Variants in NUDT3 observed in about 807,000 individuals in gnomAD.
NUDT3 encodes nudix hydrolase 3.
In NUDT3, 9 loss-of-function variants were observed where a neutral mutation model predicts 23.6. The ratio of observed to expected loss-of-function variants is 0.38; its 90% CI spans 0.23 to 0.66. The LOEUF (loss-of-function observed/expected upper bound fraction) is 0.66. Ranked by LOEUF, NUDT3 falls within the 30% of genes least tolerant of loss-of-function variation. The pLI, the probability that NUDT3 is intolerant of heterozygous loss-of-function variation, is 0.52. For missense variants in NUDT3, 172 were observed against 218.5 expected, an observed-to-expected ratio of 0.79 and a Z score of 1.34; for synonymous variants, 86 against 82.6, an observed-to-expected ratio of 1.04 and a Z score of -0.22.
At chr6:34,322,362 C>G (rs1763956895) in intron 2 of NUDT3, among the ~76,000 whole-genome samples, 1 of 152,110 alleles carries the variant, frequency 6.6e-6, no homozygotes, top group African/African-American at 2.4e-5. Context: ...TCCCGAGTAG[C>G]TGGGCTATAG....
intron 1 of NUDT3, among the ~76,000 whole-genome samples, chr6:34,390,949 C>A (rs927505109): frequency 6.6e-6 from 1 of 152,176 alleles, no homozygotes; most frequent in Admixed American, 6.6e-5. Context: ...TTAGCTATTA[C>A]AATGCATCTG....
chr6:34,299,442 T>C (rs1443389472), intron 2 of NUDT3, among the ~76,000 whole-genome samples: 10 of 152,188 alleles, frequency 6.6e-5, no homozygotes, highest in Non-Finnish European at 1.2e-4. Flanking sequence ...CTTTTTCTTT[T>C]TTTTAAGAGA....
intron 1 of NUDT3, among the ~76,000 whole-genome samples, chr6:34,353,933 G>T (rs1179174910): frequency 1.3e-5 from 2 of 150,892 alleles, no homozygotes; most frequent in Admixed American, 6.6e-5. Flanking sequence ...TTTTTTTTGA[G>T]ACAGAGTTGC....
intron 2 of NUDT3, among the ~76,000 whole-genome samples, chr6:34,304,266 A>G (rs1045095336): frequency 3.3e-5 from 5 of 151,766 alleles, no homozygotes; most frequent in Non-Finnish European, 5.9e-5. Flanking sequence ...AAAAAAAAAA[A>G]AAAAAGAAAG....
intron 2 of NUDT3, among the ~76,000 whole-genome samples, chr6:34,316,899 T>C (rs1763869941): frequency 1.3e-5 from 2 of 152,250 alleles, no homozygotes; most frequent in South Asian, 4.1e-4. Context: ...CAGGATAATT[T>C]TGCCTACTGT....
intron 2 of NUDT3, among the ~76,000 whole-genome samples, chr6:34,327,710 G>A (rs1391971252): frequency 6.6e-6 from 1 of 152,132 alleles, no homozygotes; most frequent in African/African-American, 2.4e-5. Flanking sequence ...AGATGACTGT[G>A]GGCAGGCCTG....
intron 1 of NUDT3, among the ~76,000 whole-genome samples, chr6:34,382,536 T>C (rs952616153): frequency 1.3e-5 from 2 of 152,194 alleles, no homozygotes; most frequent in Non-Finnish European, 2.9e-5. Context: ...TTAGGTATAG[T>C]GGCTCACACC....
intron 3 of NUDT3, among the ~76,000 whole-genome samples, chr6:34,294,253 T>G (rs1470832424): frequency 6.6e-6 from 1 of 152,050 alleles, no homozygotes; most frequent in Non-Finnish European, 1.5e-5. Context: ...GGGAAAGTGC[T>G]GGGATTACAT....
At chr6:34,314,854 T>C (rs1411360927) in intron 2 of NUDT3, among the ~76,000 whole-genome samples, 1 of 152,178 alleles carries the variant, frequency 6.6e-6, no homozygotes, top group Non-Finnish European at 1.5e-5. Context: ...GCAGATATTA[T>C]ATCATGATAT....
chr6:34,340,528 T>C (rs1764272403), intron 2 of NUDT3, among the ~76,000 whole-genome samples: 1 of 152,194 alleles, frequency 6.6e-6, no homozygotes, highest in Non-Finnish European at 1.5e-5. Flanking sequence ...AAACCAGGAT[T>C]CCCACGTCAA....
intron 1 of NUDT3, among the ~76,000 whole-genome samples, chr6:34,353,422 T>G (rs1333476615): frequency 6.7e-6 from 1 of 150,214 alleles, no homozygotes; most frequent in Non-Finnish European, 1.5e-5. Flanking sequence ...TTTACTTACC[T>G]ATACACAACT....
chr6:34,315,382 C>T (rs1763842937), intron 2 of NUDT3, among the ~76,000 whole-genome samples: 1 of 152,202 alleles, frequency 6.6e-6, no homozygotes, highest in South Asian at 2.1e-4. Context: ...CACATCTATT[C>T]TATTCACTCA....
chr6:34,341,823 T>C (rs755838045), intron 2 of NUDT3, 39 bp downstream of exon 2: 10 of 1,579,780 alleles, frequency 6.3e-6, no homozygotes, highest in Non-Finnish European at 7.8e-6. Flanking sequence ...AGGTTCATGA[T>C]GACGAGGCAC....
intron 1 of NUDT3, among the ~76,000 whole-genome samples, chr6:34,353,731 C>A (rs1354509092): frequency 2.6e-5 from 4 of 151,902 alleles, no homozygotes. Flanking sequence ...AAGACAGGAT[C>A]TCGTTCTGTC....
chr6:34,281,307 G>A lies in NUDT3; in HGVS notation c.*7446C>T. On this transcript the variant is annotated 3_prime_UTR_variant, in exon 5 of 5. Transcript: ENST00000607016. ...GGAAGACAAAGTCTTTGAAATGGAG[G>A]CTGGGCTGGCAAAAGTAAGTATGAA... The A allele has an allele frequency of 6.6e-6, 1 of 152,240 alleles. No individual in the cohort carries two copies. Among genetic ancestry groups the A allele is most frequent in the South Asian group, 2.1e-4 (1 of 4,828 alleles). 9.4% of individuals were successfully genotyped at this position (152,240 alleles called of 1,614,324 possible).
intron 2 of NUDT3, among the ~76,000 whole-genome samples, chr6:34,320,640 C>CATGT (rs1763927039): frequency 1.3e-5 from 2 of 152,038 alleles, no homozygotes; most frequent in African/African-American, 4.8e-5. Context: ...TCGAGACCAG[C>CATGT]CCGGTCAACA....
At chr6:34,336,183 C>T (rs747408965) in intron 2 of NUDT3, among the ~76,000 whole-genome samples, 7 of 152,178 alleles carry the variant, frequency 4.6e-5, no homozygotes, top group African/African-American at 1.4e-4. Context: ...GCAGGAGAAT[C>T]GCTTGAAACC....
chr6:34,381,333 A>T (rs1765014486), intron 1 of NUDT3, among the ~76,000 whole-genome samples: 1 of 152,170 alleles, frequency 6.6e-6, no homozygotes. Context: ...GCATCTTGCC[A>T]GTAGACTGAA....
At chr6:34,389,225 T>C (rs929937185) in intron 1 of NUDT3, among the ~76,000 whole-genome samples, 82 of 152,160 alleles carry the variant, frequency 5.4e-4, no homozygotes, top group African/African-American at 2.0e-3. Context: ...ATGGGGAGTT[T>C]CCCCCATGCG....
Sources: allele counts gnomAD v4.1 joint callset (sites outside exome capture counted in the v4.1 genomes callset), GRCh38; gene constraint gnomAD v4.1.1; transcripts MANE v1.5; gene names NCBI Gene and HGNC (gene_info 2026-07-23, HGNC 2026-07-21).